Variants in DLG2 observed in about 807,000 individuals in gnomAD.
DLG2 encodes disks large homolog 2.
A neutral mutation model predicts 132.5 loss-of-function variants in DLG2; 45 were observed. That is an observed-to-expected ratio of 0.34 (90% CI 0.27 to 0.44). The LOEUF (loss-of-function observed/expected upper bound fraction) is 0.44, where lower values mean the gene tolerates loss of function less well. DLG2 is among the 20% of genes least tolerant of loss of function. DLG2 has a pLI of 1.00. For missense variants in DLG2, 1,045 were observed against 1,196.9 expected (o/e 0.87, Z 1.87); for synonymous variants, 424 against 419.6 (o/e 1.01, Z -0.13).
intron 21 of DLG2, among the ~76,000 whole-genome samples, chr11:83,523,145 A>T (rs2095525995): frequency 6.6e-6 from 1 of 152,206 alleles, no homozygotes; most frequent in South Asian, 2.1e-4. Flanking sequence ...GTATGACTGT[A>T]GGCCTATTAC....
At chr11:84,720,175 A>G (rs1304944235) in intron 6 of DLG2, 23 of 796,858 alleles carry the variant, frequency 2.9e-5, no homozygotes, top group Non-Finnish European at 3.3e-5. Context: ...TCCCAGAAAG[A>G]GCAGAGCAGT....
chr11:84,656,290 C>T (rs779613426), intron 6 of DLG2, among the ~76,000 whole-genome samples: 1 of 152,122 alleles, frequency 6.6e-6, no homozygotes, highest in Non-Finnish European at 1.5e-5. Context: ...TATCCAACAT[C>T]TGTTCACTTC....
chr11:84,396,945 G>A (rs558105386), intron 7 of DLG2, among the ~76,000 whole-genome samples: 1 of 152,166 alleles, frequency 6.6e-6, no homozygotes, highest in African/African-American at 2.4e-5. Flanking sequence ...TTAAGGGGGT[G>A]GAAAAGGTTT....
intron 3 of DLG2, among the ~76,000 whole-genome samples, chr11:85,462,925 C>T (rs573825942): frequency 2.6e-5 from 4 of 152,190 alleles, no homozygotes; most frequent in African/African-American, 9.6e-5. Context: ...AATCAATGTC[C>T]TTATAAGAAG....
At chr11:84,531,544 T>TG (rs1314818740) in intron 7 of DLG2, among the ~76,000 whole-genome samples, 1 of 152,082 alleles carries the variant, frequency 6.6e-6, no homozygotes, top group African/African-American at 2.4e-5. Context: ...AAACAACACC[T>TG]CGAGAAGGTC....
intron 7 of DLG2, among the ~76,000 whole-genome samples, chr11:84,507,999 T>G (rs2099246440): frequency 6.6e-6 from 1 of 152,236 alleles, no homozygotes; most frequent in Non-Finnish European, 1.5e-5. Context: ...TTGATTTCTT[T>G]GATAGAGACA....
intron 21 of DLG2, among the ~76,000 whole-genome samples, chr11:83,498,585 G>A (rs1485048724): frequency 1.3e-5 from 2 of 151,106 alleles, no homozygotes; most frequent in Non-Finnish European, 3.0e-5. Flanking sequence ...AGCCATATAT[G>A]TCTATACTAA....
At chr11:83,637,243 G>A (rs1043106960) in intron 18 of DLG2, among the ~76,000 whole-genome samples, 1 of 152,222 alleles carries the variant, frequency 6.6e-6, no homozygotes, top group Middle Eastern at 3.4e-3. Context: ...TTCCTCAAAT[G>A]TTTTACTCAT....
intron 16 of DLG2, among the ~76,000 whole-genome samples, chr11:83,868,567 T>C (rs2062836593): frequency 2.0e-5 from 3 of 152,080 alleles, no homozygotes; most frequent in Admixed American, 2.0e-4. Flanking sequence ...AACATACACA[T>C]AAAATAAAAT....
chr11:85,400,780 T>C (rs1169811965), intron 3 of DLG2, among the ~76,000 whole-genome samples: 1 of 148,724 alleles, frequency 6.7e-6, no homozygotes, highest in Admixed American at 6.7e-5. Flanking sequence ...TGGAGACTGT[T>C]GTGGGGTGGG....
At chr11:83,816,564 A>G (rs1516617) in intron 17 of DLG2, among the ~76,000 whole-genome samples, 110,525 of 151,956 alleles carry the variant, frequency 0.73, 41,538 homozygotes, top group African/African-American at 0.92. Flanking sequence ...ATGAGATAAT[A>G]CATGCAGTGT....
intron 4 of DLG2, among the ~76,000 whole-genome samples, chr11:85,194,376 G>C (rs1325039327): frequency 1.3e-5 from 2 of 152,076 alleles, no homozygotes; most frequent in East Asian, 3.9e-4. Context: ...GCACACTTCA[G>C]CCACTGCAGT....
At chr11:83,590,737 C>A (rs1241716161) in intron 19 of DLG2, among the ~76,000 whole-genome samples, 2 of 152,020 alleles carry the variant, frequency 1.3e-5, no homozygotes, top group East Asian at 1.9e-4. Flanking sequence ...AATTGATAGA[C>A]CGCTAGCAAG....
chr11:83,865,195 G>T (rs2062091717), intron 16 of DLG2, among the ~76,000 whole-genome samples: 1 of 152,154 alleles, frequency 6.6e-6, no homozygotes, highest in Non-Finnish European at 1.5e-5. Flanking sequence ...TGGAATGTAT[G>T]TGACATTTCT....
At chr11:84,425,137 A>T (rs555981134) in intron 7 of DLG2, among the ~76,000 whole-genome samples, 2 of 152,068 alleles carry the variant, frequency 1.3e-5, no homozygotes, top group African/African-American at 4.8e-5. Flanking sequence ...TGTGCAAATA[A>T]GTATTTTTTA....
At chr11:85,360,304 TG>T (rs2084047910) in intron 3 of DLG2, among the ~76,000 whole-genome samples, 1 of 152,218 alleles carries the variant, frequency 6.6e-6, no homozygotes, top group African/African-American at 2.4e-5. Flanking sequence ...ACTTTGAGTG[TG>T]GCTTAGCCTT....
intron 3 of DLG2, among the ~76,000 whole-genome samples, chr11:85,296,467 C>CTTTTTTTTTTTTTTTTTTATTTTT (rs66526147): frequency 2.5e-5 from 3 of 121,550 alleles, no homozygotes; most frequent in Non-Finnish European, 3.4e-5. Context: ...TTTCGATTTT[C>CTTTTTTTTTTTTTTTTTTATTTTT]TTTTTTTTTT....
chr11:85,111,236 T>C (rs1423415782), intron 6 of DLG2, among the ~76,000 whole-genome samples: 1 of 152,150 alleles, frequency 6.6e-6, no homozygotes, highest in Non-Finnish European at 1.5e-5. Context: ...AGACTATTAT[T>C]ACACCAGGAA....
intron 6 of DLG2, among the ~76,000 whole-genome samples, chr11:84,637,141 G>A (rs2099642023): frequency 6.6e-6 from 1 of 152,150 alleles, no homozygotes; most frequent in South Asian, 2.1e-4. Context: ...AGTGTGGTAA[G>A]TGTCCAAAGA....
Sources: gnomAD v4.1 joint callset for allele counts (sites outside exome capture counted in the v4.1 genomes callset) on GRCh38, gnomAD v4.1.1 for gene constraint, MANE v1.5 for transcripts, NCBI Gene and HGNC (gene_info 2026-07-23, HGNC 2026-07-21) for gene names.